A1CF: variants seen among roughly 807,000 people sequenced by gnomAD.
The protein encoded by A1CF is APOBEC-1 stimulating protein.
A1CF carries 48 observed loss-of-function variants against 68.9 expected under a neutral mutation model. The observed-to-expected ratio is 0.70, with a 90% CI of 0.55 to 0.89. The LOEUF is 0.89. Among genes scored for constraint, A1CF ranks in the 40% least tolerant of loss-of-function variants. A1CF has a pLI of 0.00. For missense variants in A1CF, 653 were observed against 718.9 expected (o/e 0.91, Z 1.05); for synonymous variants, 272 against 260.4 (o/e 1.04, Z -0.43).
chr10:50,876,873 T>G (rs1841537928), intron 1 of A1CF, among the ~76,000 whole-genome samples: 1 of 152,246 alleles, frequency 6.6e-6, no homozygotes, highest in Non-Finnish European at 1.5e-5. Flanking sequence ...GTTTTATGCA[T>G]TTATAAATGT....
intron 2 of A1CF, among the ~76,000 whole-genome samples, chr10:50,863,132 A>G (rs749510139): frequency 6.6e-6 from 1 of 152,232 alleles, no homozygotes; most frequent in Non-Finnish European, 1.5e-5. Context: ...TAATATCTCA[A>G]TTATAGTGTC....
In A1CF at chr10:50,809,991, C is replaced by T. The variant is rs556711615; in HGVS notation, c.1512G>A (p.Thr504=). 75 of 1,614,008 alleles carry T rather than the reference C, an allele frequency of 4.6e-5. No homozygotes were observed. The highest frequency in any genetic ancestry group is 3.3e-4 in the Middle Eastern group (2 of 6,060). The change falls in exon 12 of 13, where the codon ACG becomes ACA. Residue 504 remains threonine, a synonymous_variant. Transcript: ENST00000373997. ...KLSAFVDEAK[T]YAAEYTLQTL... Reference sequence around the variant, plus strand: ...TCTGCAGGGTGTATTCGGCTGCATACGTCTTTGCTTCATCCACAAAGGCAC... The same window carrying T: ...TCTGCAGGGTGTATTCGGCTGCATATGTCTTTGCTTCATCCACAAAGGCAC...
At chr10:50,878,365 C>T (rs1415174380) in intron 1 of A1CF, among the ~76,000 whole-genome samples, 1 of 152,180 alleles carries the variant, frequency 6.6e-6, no homozygotes, top group Non-Finnish European at 1.5e-5. Context: ...AGTTTATGCA[C>T]ACTTGCTTGG....
intron 10 of A1CF, among the ~76,000 whole-genome samples, chr10:50,812,788 G>A (rs1352695418): frequency 6.6e-6 from 1 of 152,086 alleles, no homozygotes; most frequent in Non-Finnish European, 1.5e-5. Context: ...TACATCTCCA[G>A]CACCTAGCGC....
chr10:50,840,542 C>G (rs1305186023), intron 5 of A1CF, among the ~76,000 whole-genome samples: 1 of 152,188 alleles, frequency 6.6e-6, no homozygotes, highest in African/African-American at 2.4e-5. Context: ...TGACGGTTCT[C>G]TCTCCAAGTG....
chr10:50,857,280 C>G (rs1167199332), intron 3 of A1CF, among the ~76,000 whole-genome samples: 1 of 152,042 alleles, frequency 6.6e-6, no homozygotes, highest in African/African-American at 2.4e-5. Flanking sequence ...TAGGATATCC[C>G]TCACCTCAAA....
intron 7 of A1CF, chr10:50,824,432 T>A: frequency 6.6e-6 from 1 of 152,084 alleles, no homozygotes; most frequent in East Asian, 1.9e-4. Flanking sequence ...AAAGTCAACA[T>A]GGAATGAGGG....
intron 10 of A1CF, 39 bp from the exon 11 acceptor site, chr10:50,811,215 A>C: frequency 1.3e-6 from 2 of 1,569,648 alleles, no homozygotes; most frequent in Non-Finnish European, 1.7e-6. Flanking sequence ...CTCAAATGAC[A>C]CATTCACATT....
intron 12 of A1CF, among the ~76,000 whole-genome samples, chr10:50,808,271 C>T (rs1400513187): frequency 6.6e-6 from 1 of 152,134 alleles, no homozygotes; most frequent in African/African-American, 2.4e-5. Context: ...ATAAGAGAGG[C>T]TCTCAGATTC....
intron 6 of A1CF, 69 bp downstream of exon 6, chr10:50,836,005 G>T: frequency 7.2e-7 from 1 of 1,396,860 alleles, no homozygotes. Context: ...AATTAAAAAT[G>T]CTTATTTTCT....
At position 50,801,663 on chromosome 10, in the gene A1CF, A is replaced by G. The variant is rs1837606205; in HGVS notation, c.*5066T>C. ...TGGTATCTCCTATTCCCTTAGACAA[A>G]GTATCATTTGTGGAAAGAGAACAAG... On this transcript the variant is annotated 3_prime_UTR_variant, in exon 13 of 13. Transcript: ENST00000373997. The G allele has an allele frequency of 6.6e-6, 1 of 152,202 alleles. No homozygotes were observed. Among genetic ancestry groups the G allele is most frequent in the Non-Finnish European group, 1.5e-5 (1 of 68,032 alleles). The allele number at this position is 152,202 out of a possible 1,614,324, so 9.4% of individuals were successfully genotyped here.
intron 3 of A1CF, 104 bp from the exon 4 acceptor site, chr10:50,844,226 T>C (rs1202533631): frequency 1.3e-6 from 2 of 1,492,566 alleles, no homozygotes; most frequent in East Asian, 4.6e-5. Flanking sequence ...TGAATGTATT[T>C]ATCATTGACA....
At chr10:50,815,573 C>T (rs1198772475) in intron 9 of A1CF, among the ~76,000 whole-genome samples, 1 of 152,140 alleles carries the variant, frequency 6.6e-6, no homozygotes, top group Non-Finnish European at 1.5e-5. Flanking sequence ...CACTGAGTCA[C>T]CATCAAATAC....
intron 3 of A1CF, among the ~76,000 whole-genome samples, chr10:50,848,578 T>A (rs1840099966): frequency 6.6e-6 from 1 of 152,212 alleles, no homozygotes. Context: ...TCAGCCTGTT[T>A]TTTCCTGAGT....
intron 1 of A1CF, among the ~76,000 whole-genome samples, chr10:50,880,173 G>A (rs1370439940): frequency 6.6e-6 from 1 of 152,166 alleles, no homozygotes; most frequent in Non-Finnish European, 1.5e-5. Context: ...GTTTTCTTCA[G>A]TTCTAAGCCT....
chr10:50,827,482 C>G (rs1210907774), intron 7 of A1CF, among the ~76,000 whole-genome samples: 2 of 152,172 alleles, frequency 1.3e-5, no homozygotes, highest in Non-Finnish European at 2.9e-5. Context: ...AAGAAACTCA[C>G]CCCAAACCAC....
At position 50,859,866 on chromosome 10, in the gene A1CF, C is replaced by T; in HGVS notation, c.75G>A (p.Gln25=). 6.2e-7 allele frequency: 1 copy of T among 1,614,002 alleles called. No homozygotes were observed. The highest frequency in any genetic ancestry group is 1.1e-5 in the South Asian group (1 of 91,074). ...QKEAALRALV[Q]RTGYSLVQEN... is the part of the protein sequence containing the mutation. ...CCTGGACCAAGCTATATCCTGTGCGCTGGACCAGTGCGCGGAGGGCTGCTT... is the reference window on the plus strand; with the variant it reads ...CCTGGACCAAGCTATATCCTGTGCGTTGGACCAGTGCGCGGAGGGCTGCTT... Residue 25 remains glutamine (Q), a synonymous_variant, in exon 3 of 13, where the codon CAG becomes CAA. Coordinates refer to ENST00000373997, the MANE Select transcript of A1CF (RefSeq NM_014576.4).
chr10:50,853,425 A>G (rs1418942445), intron 3 of A1CF, among the ~76,000 whole-genome samples: 3 of 152,176 alleles, frequency 2.0e-5, no homozygotes, highest in Non-Finnish European at 4.4e-5. Flanking sequence ...TGACTTTTAC[A>G]CAGCCTGGTT....
chr10:50,827,890 G>C (rs1404512367), intron 7 of A1CF, among the ~76,000 whole-genome samples: 1 of 151,776 alleles, frequency 6.6e-6, no homozygotes, highest in African/African-American at 2.4e-5. Context: ...TAGACCACTA[G>C]CAAGACTAAT....
Sources: gnomAD v4.1 joint callset for allele counts (sites outside exome capture counted in the v4.1 genomes callset) on GRCh38, gnomAD v4.1.1 for gene constraint, MANE v1.5 for transcripts, NCBI Gene and HGNC (gene_info 2026-07-23, HGNC 2026-07-21) for gene names.